ARNT2: variants seen among roughly 807,000 people sequenced by gnomAD.
The protein encoded by ARNT2 is aryl hydrocarbon receptor nuclear translocator 2.
A neutral mutation model predicts 91.7 loss-of-function variants in ARNT2; 36 were observed. That is an observed-to-expected ratio of 0.39 (90% CI 0.30 to 0.52). The LOEUF (loss-of-function observed/expected upper bound fraction) is 0.52, where lower values mean the gene tolerates loss of function less well. Among genes scored for constraint, ARNT2 ranks in the 20% least tolerant of loss-of-function variants. The pLI, the probability that ARNT2 is intolerant of heterozygous loss-of-function variation, is 0.72. For synonymous variants in ARNT2, 365 were observed against 347.1 expected, an observed-to-expected ratio of 1.05 and a Z score of -0.57; for missense variants, 775 against 939.3, an observed-to-expected ratio of 0.83 and a Z score of 2.29.
chr15:80,563,622 G>A (rs928803062), intron 12 of ARNT2, among the ~76,000 whole-genome samples: 4 of 152,142 alleles, frequency 2.6e-5, no homozygotes, highest in East Asian at 1.9e-4. Flanking sequence ...TGGTCCTACC[G>A]AAGCCGGGGG....
chr15:80,484,268 A>AT (rs372038252), intron 5 of ARNT2, among the ~76,000 whole-genome samples: 85 of 152,202 alleles, frequency 5.6e-4, no homozygotes, highest in African/African-American at 1.9e-3. Flanking sequence ...GAAATAAAGC[A>AT]TTTTTATGGC....
chr15:80,544,734 G>A (rs1305479125), intron 8 of ARNT2, among the ~76,000 whole-genome samples: 1 of 152,160 alleles, frequency 6.6e-6, no homozygotes, highest in Non-Finnish European at 1.5e-5. Context: ...GGGAAATAGA[G>A]GCAATCAGAA....
At chr15:80,585,593 C>T (rs1333683561) in intron 17 of ARNT2, among the ~76,000 whole-genome samples, 1 of 152,202 alleles carries the variant, frequency 6.6e-6, no homozygotes, top group Non-Finnish European at 1.5e-5. Context: ...TGGTAACACA[C>T]TGTGGATGCT....
At chr15:80,475,346 A>C in intron 5 of ARNT2, 123 bp downstream of exon 5, 1 of 960,000 alleles carries the variant, frequency 1.0e-6, no homozygotes, top group Non-Finnish European at 1.6e-6. Flanking sequence ...CGAGGTCAGG[A>C]GATCAAGACC....
rs945076680 is a variant in ARNT2 at position 80,413,103 on chromosome 15, G to A, written c.31+8557G>A. 2.0e-5 allele frequency among the ~76,000 whole-genome samples: 3 copies of A among 151,218 alleles called. No homozygotes were observed. In the South Asian group the frequency reaches 6.2e-4, roughly 31 times the overall value. ...TGGCTTTTTAATTAACTGCTGTTAGGGTAATTGGTCCAGGTCAAAACAGGC... is the reference window on the plus strand; with the variant it reads ...TGGCTTTTTAATTAACTGCTGTTAGAGTAATTGGTCCAGGTCAAAACAGGC... On this transcript the variant is annotated intron_variant, in intron 1 of 18. Transcript: ENST00000303329.
At chr15:80,468,018 G>A (rs574808899) in intron 3 of ARNT2, among the ~76,000 whole-genome samples, 1 of 151,514 alleles carries the variant, frequency 6.6e-6, no homozygotes, top group Non-Finnish European at 1.5e-5. Context: ...TGATTGCCCC[G>A]CCCCAACCCA....
intron 3 of ARNT2, among the ~76,000 whole-genome samples, chr15:80,458,975 G>A (rs1896516706): frequency 1.3e-5 from 2 of 152,298 alleles, no homozygotes; most frequent in Middle Eastern, 3.4e-3. Flanking sequence ...GGCCCCCTGA[G>A]TTACCCTAGT....
At chr15:80,569,634 T>TA (rs1898551115) in intron 12 of ARNT2, among the ~76,000 whole-genome samples, 1 of 152,218 alleles carries the variant, frequency 6.6e-6, no homozygotes, top group Non-Finnish European at 1.5e-5. Flanking sequence ...TTGCCAGCCA[T>TA]ACCTGCGACC....
chr15:80,470,329 G>A lies in ARNT2; in HGVS notation c.306G>A (p.Lys102=). The A allele has an allele frequency of 1.2e-6, 2 of 1,614,194 alleles. No homozygotes were observed. The highest frequency in any genetic ancestry group is 1.3e-5 in the African/African-American group (1 of 75,048). ...TCSALARKPD[K]LTILRMAVSH... is the part of the protein sequence containing the mutation. The stretch of plus-strand genomic sequence containing the variant: ...GCGCACTGGCTCGGAAGCCAGACAA[G>A]CTCACCATCCTCCGCATGGCCGTCT... Residue 102 remains lysine, a synonymous_variant, in exon 4 of 19, where the codon AAG becomes AAA. Transcript: ENST00000303329.
chr15:80,482,352 CTT>C (rs1896903409), intron 5 of ARNT2, among the ~76,000 whole-genome samples: 1 of 152,184 alleles, frequency 6.6e-6, no homozygotes, highest in African/African-American at 2.4e-5. Context: ...TTTGTTAAAC[CTT>C]CCCAGGTGAT....
rs191258128 is a variant in ARNT2 at position 80,484,173 on chromosome 15, T to C, written c.622+8950T>C. On this transcript the variant is annotated intron_variant, in intron 5 of 18. Coordinates refer to ENST00000303329, the MANE Select transcript of ARNT2 (RefSeq NM_014862.4). ...TTCTTGCTATATTAGGTAACATATATAAATGTGGCAAAAAAAAAAAAACAA... is the reference window on the plus strand; with the variant it reads ...TTCTTGCTATATTAGGTAACATATACAAATGTGGCAAAAAAAAAAAAACAA... 2.4e-3 allele frequency among the ~76,000 whole-genome samples: 347 copies of C among 146,242 alleles called. 1 individual carries two copies. The highest frequency in any genetic ancestry group is 8.7e-3 in the African/African-American group (332 of 38,000).
At position 80,470,463 on chromosome 15, in the gene ARNT2, C is replaced by G. The variant is rs8033507; in HGVS notation, c.408+32C>G. The G allele has an allele frequency of 0.038, 60,520 of 1,602,380 alleles. 7,200 individuals carry two copies. In the African/African-American group the frequency reaches 0.38, roughly 10 times the overall value. On this transcript the variant is annotated intron_variant, in intron 4 of 18. Transcript: ENST00000303329. ...TGGTCATCACATCACCATTGGAAAG[C>G]GGGGGGAATCCCAGCGTCACCAAGA...
chr15:80,474,970 C>A (rs1327367690), intron 4 of ARNT2, 40 bp from the exon 5 acceptor site: 1 of 1,595,042 alleles, frequency 6.3e-7, no homozygotes, highest in Admixed American at 1.7e-5. Context: ...CATCCTGGGT[C>A]TGTCAGTGTA....
At chr15:80,505,145 T>C (rs1165908644) in intron 5 of ARNT2, among the ~76,000 whole-genome samples, 1 of 152,222 alleles carries the variant, frequency 6.6e-6, no homozygotes, top group Non-Finnish European at 1.5e-5. Flanking sequence ...ATCACAATAA[T>C]CCTGAAAGCA....
At position 80,581,271 on chromosome 15, in the gene ARNT2, A is replaced by G; in HGVS notation, c.1785A>G (p.Ser595=). The change falls in exon 17 of 19, where the codon TCA becomes TCG. Residue 595 remains serine (S), a synonymous_variant. Transcript: ENST00000303329. The stretch of plus-strand genomic sequence containing the variant: ...CATCTCAGTCCAGCAAGACTCAGTC[A>G]TCTCCCTTTGGGATTGGAACGAGCC... ...QIPSQSSKTQ[S]SPFGIGTSHT... is the part of the protein sequence containing the mutation. 6.2e-7 allele frequency: 1 copy of G among 1,614,088 alleles called. No homozygotes were observed. Among genetic ancestry groups the G allele is most frequent in the Admixed American group, 1.7e-5 (1 of 60,024 alleles).
chr15:80,495,335 A>G (rs536125939), intron 5 of ARNT2, among the ~76,000 whole-genome samples: 1 of 152,334 alleles, frequency 6.6e-6, no homozygotes, highest in Non-Finnish European at 1.5e-5. Context: ...TTGTGTACAC[A>G]GGAGCTCTCC....
At chr15:80,422,828 C>T (rs1460823852) in intron 1 of ARNT2, among the ~76,000 whole-genome samples, 2 of 152,150 alleles carry the variant, frequency 1.3e-5, no homozygotes, top group African/African-American at 4.8e-5. Context: ...AATATTTCTA[C>T]ACTTACTTGT....
At chr15:80,475,337 G>A (rs1896786382) in intron 5 of ARNT2, 114 bp downstream of exon 5, 2 of 1,025,516 alleles carry the variant, frequency 2.0e-6, no homozygotes, top group Non-Finnish European at 2.9e-6. Flanking sequence ...GGTGGATCAC[G>A]AGGTCAGGAG....
chr15:80,535,085 A>T (rs2141444878), intron 8 of ARNT2, among the ~76,000 whole-genome samples: 1 of 152,324 alleles, frequency 6.6e-6, no homozygotes, highest in African/African-American at 2.4e-5. Flanking sequence ...CAGGAGGAAG[A>T]GGAGGTGGGT....
Sources: gnomAD v4.1 joint callset for allele counts (sites outside exome capture counted in the v4.1 genomes callset) on GRCh38, gnomAD v4.1.1 for gene constraint, MANE v1.5 for transcripts, NCBI Gene and HGNC (gene_info 2026-07-23, HGNC 2026-07-21) for gene names.